The following XKR6 variants were observed in gnomAD, a reference collection of about 807,000 sequenced individuals.
XKR6 encodes the protein XK related 6.
XKR6 carries 22 observed loss-of-function variants against 56.7 expected under a neutral mutation model. The observed-to-expected ratio is 0.39, with a 90% CI of 0.28 to 0.55. The LOEUF is 0.55. Among genes scored for constraint, XKR6 ranks in the 20% least tolerant of loss-of-function variants. The pLI is 0.66. For synonymous variants in XKR6, 524 were observed against 387.8 expected (o/e 1.35, Z -4.13); for missense variants, 852 against 889.0 (o/e 0.96, Z 0.53).
intron 1 of XKR6, among the ~76,000 whole-genome samples, chr8:10,951,603 G>C (rs919520463): frequency 1.3e-5 from 2 of 152,218 alleles, no homozygotes; most frequent in African/African-American, 4.8e-5. Flanking sequence ...GTCTTCACCT[G>C]CAGAATGGGA....
intron 1 of XKR6, among the ~76,000 whole-genome samples, chr8:11,071,022 A>T (rs1400555188): frequency 2.6e-5 from 4 of 152,224 alleles, no homozygotes; most frequent in Non-Finnish European, 2.9e-5. Flanking sequence ...GGCTGTGGTG[A>T]CACAGAGGGT....
At chr8:11,185,105 G>A (rs145154778) in intron 1 of XKR6, among the ~76,000 whole-genome samples, 1 of 152,262 alleles carries the variant, frequency 6.6e-6, no homozygotes, top group East Asian at 1.9e-4. Context: ...AAGGACATGG[G>A]TGCGGGTGTG....
chr8:11,152,265 G>A lies in XKR6; in HGVS notation c.764+48311C>T, dbSNP rs184060113. On this transcript the variant is annotated intron_variant, in intron 1 of 2. Transcript: ENST00000416569. The stretch of plus-strand genomic sequence containing the variant: ...CCAAACTTCTCTGAAGTATTTAAGG[G>A]CTCTTTGCTTCTCTACAGTTGCCCT... Among the ~76,000 whole-genome samples, 544 of 152,276 alleles carry A rather than the reference G, an allele frequency of 3.6e-3. 3 individuals are homozygous for A. The highest frequency in any genetic ancestry group is 0.012 in the Admixed American group (182 of 15,288).
chr8:10,966,840 A>C (rs1347590761), intron 1 of XKR6, among the ~76,000 whole-genome samples: 2 of 152,132 alleles, frequency 1.3e-5, no homozygotes, highest in Non-Finnish European at 2.9e-5. Context: ...CCGTGGTCTA[A>C]ACCTTGGCCA....
At chr8:10,926,028 C>A (rs1445954852) in intron 1 of XKR6, among the ~76,000 whole-genome samples, 4 of 152,202 alleles carry the variant, frequency 2.6e-5, no homozygotes, top group Non-Finnish European at 5.9e-5. Flanking sequence ...GAGAGAACCA[C>A]ATGCCTGTCC....
At chr8:11,015,894 G>C (rs565113354) in intron 1 of XKR6, among the ~76,000 whole-genome samples, 1 of 151,666 alleles carries the variant, frequency 6.6e-6, no homozygotes, top group South Asian at 2.1e-4. Context: ...AAAGGTGGGC[G>C]GCGGTGCCAG....
At chr8:11,083,568 G>C (rs2129170540) in intron 1 of XKR6, among the ~76,000 whole-genome samples, 1 of 152,264 alleles carries the variant, frequency 6.6e-6, no homozygotes, top group Non-Finnish European at 1.5e-5. Flanking sequence ...CACCAGTGCT[G>C]GGCTGGGTTT....
At chr8:10,952,445 A>T (rs1231981727) in intron 1 of XKR6, among the ~76,000 whole-genome samples, 8 of 151,980 alleles carry the variant, frequency 5.3e-5, no homozygotes, top group Non-Finnish European at 8.8e-5. Flanking sequence ...TTGCATTATT[A>T]TATTTGTTTT....
intron 1 of XKR6, among the ~76,000 whole-genome samples, chr8:10,980,692 TG>T (rs542152480): frequency 1.2e-3 from 188 of 152,336 alleles, no homozygotes; most frequent in African/African-American, 3.8e-3. Context: ...CTCTATCTAT[TG>T]ACCTACCCAA....
Position 10,971,306 on chromosome 8 carries a change from G to A in XKR6, c.765-46476C>T, listed in dbSNP as rs1456205857. Among the ~76,000 whole-genome samples, 12 of 151,650 alleles carry A rather than the reference G, an allele frequency of 7.9e-5. No individual in the cohort carries two copies. In the South Asian group the frequency reaches 1.3e-3, roughly 16 times the overall value. On this transcript the variant is annotated intron_variant, in intron 1 of 2. Transcript: ENST00000416569. The stretch of plus-strand genomic sequence containing the variant: ...TGTGGTGGCGGGCACCTGTAGTCCC[G>A]GCTACTCGGGAGGCTGAGGCAGGAG...
At chr8:11,196,463 A>C (rs756437313) in intron 1 of XKR6, among the ~76,000 whole-genome samples, 18 of 152,186 alleles carry the variant, frequency 1.2e-4, no homozygotes, top group Admixed American at 2.0e-4. Context: ...ACCAAAAAAA[A>C]CAGAAAACAT....
chr8:11,152,323 G>A (rs1801308167), intron 1 of XKR6, among the ~76,000 whole-genome samples: 1 of 152,194 alleles, frequency 6.6e-6, no homozygotes, highest in Non-Finnish European at 1.5e-5. Flanking sequence ...TCAGCCCTCT[G>A]ATTCCAGAAA....
In XKR6 at chr8:11,097,092, TAGTC is replaced by T. The variant is rs1457908092; in HGVS notation, c.764+103480_764+103483del. Among the ~76,000 whole-genome samples, 4 of 152,320 alleles carry T rather than the reference TAGTC, an allele frequency of 2.6e-5. No homozygotes were observed. The East Asian group carries it at 7.7e-4, about 29-fold the overall frequency. On this transcript the variant is annotated intron_variant, in intron 1 of 2. Transcript: ENST00000416569. ...AAGTTAAATCTGATTTCCTCAGAGA[TAGTC>T]AAGTAAGTTTGTCATCAGCAACAGG...
intron 1 of XKR6, among the ~76,000 whole-genome samples, chr8:11,019,003 C>A (rs4256558): frequency 0.44 from 66,115 of 151,756 alleles, 14,515 homozygotes; most frequent in East Asian, 0.59. Context: ...TCAAGCTCAG[C>A]CTTCATCCTC....
chr8:11,111,604 C>T (rs549722259), intron 1 of XKR6: 151 of 152,244 alleles, frequency 9.9e-4, no homozygotes, highest in African/African-American at 3.5e-3. Context: ...ATTACAGAAA[C>T]TTCCTGGGAA....
At chr8:11,140,974 CAT>C (rs1432090627) in intron 1 of XKR6, among the ~76,000 whole-genome samples, 6 of 149,302 alleles carry the variant, frequency 4.0e-5, no homozygotes, top group African/African-American at 1.2e-4. Flanking sequence ...ACTCCAAAGA[CAT>C]ATATGAAAGA....
Position 10,897,755 on chromosome 8 carries a change from G to A in XKR6, c.*197C>T, listed in dbSNP as rs200966191. 9 of 566,026 alleles carry A rather than the reference G, an allele frequency of 1.6e-5. No homozygotes were observed. The highest frequency in any genetic ancestry group is 7.4e-5 in the Admixed American group (2 of 26,878). 35.1% of individuals were successfully genotyped at this position (566,026 alleles called of 1,614,324 possible). A position where few individuals can be genotyped will look rare whatever the true frequency, so the allele number is the denominator to read the frequency against. On this transcript the variant is annotated 3_prime_UTR_variant, in exon 3 of 3. Transcript: ENST00000416569. ...GAGAATATCTTTGTATACATACAGC[G>A]ACTGGAAAGAAAGCTTATTTGAAGG... is the stretch of plus-strand genomic sequence containing the variant.
chr8:11,184,723 G>A (rs191287544), intron 1 of XKR6, among the ~76,000 whole-genome samples: 132 of 152,030 alleles, frequency 8.7e-4, no homozygotes, highest in Non-Finnish European at 3.7e-4. Context: ...GTAGATACGG[G>A]AATTCACTAT....
intron 1 of XKR6, among the ~76,000 whole-genome samples, chr8:11,044,337 C>A (rs1375862637): frequency 6.6e-6 from 1 of 152,240 alleles, no homozygotes; most frequent in Non-Finnish European, 1.5e-5. Flanking sequence ...TTCATAGCTC[C>A]TCCCAGAACC....
Sources: gnomAD v4.1 joint callset for allele counts (sites outside exome capture counted in the v4.1 genomes callset) on GRCh38, gnomAD v4.1.1 for gene constraint, MANE v1.5 for transcripts, NCBI Gene and HGNC (gene_info 2026-07-23, HGNC 2026-07-21) for gene names.